RAD51B: variants seen among roughly 807,000 people sequenced by gnomAD.
RAD51B encodes DNA repair protein RAD51 homolog 2.
RAD51B carries 38 observed loss-of-function variants against 42.2 expected under a neutral mutation model. The observed-to-expected ratio is 0.90, with a 90% CI of 0.70 to 1.18. The LOEUF is 1.18. Ranked by LOEUF, RAD51B falls within the 50% of genes most tolerant of loss-of-function variation. RAD51B has a pLI of 0.00. For synonymous variants in RAD51B, 154 were observed against 145.2 expected, an observed-to-expected ratio of 1.06 and a Z score of -0.43; for missense variants, 373 against 400.7, an observed-to-expected ratio of 0.93 and a Z score of 0.59.
At chr14:68,674,735 G>A (rs1456230137) in intron 11 of RAD51B, among the ~76,000 whole-genome samples, 1 of 152,108 alleles carries the variant, frequency 6.6e-6, no homozygotes, top group Non-Finnish European at 1.5e-5. Flanking sequence ...ATTACACAGG[G>A]GTATGTGTGT....
At chr14:67,948,070 C>T (rs2045456228) in intron 7 of RAD51B, among the ~76,000 whole-genome samples, 4 of 152,112 alleles carry the variant, frequency 2.6e-5, no homozygotes, top group Admixed American at 2.0e-4. Flanking sequence ...AAAAATCTGT[C>T]TTGTGGAGTT....
chr14:68,273,199 A>C (rs1016187469), intron 7 of RAD51B, among the ~76,000 whole-genome samples: 1 of 152,090 alleles, frequency 6.6e-6, no homozygotes, highest in Non-Finnish European at 1.5e-5. Flanking sequence ...GATTTTGCTT[A>C]AGGCAGTGTG....
At chr14:68,417,473 T>G (rs943541712) in intron 9 of RAD51B, among the ~76,000 whole-genome samples, 3 of 152,238 alleles carry the variant, frequency 2.0e-5, no homozygotes, top group Admixed American at 2.0e-4. Context: ...CCCACACTCT[T>G]GCAACAGAAG....
At chr14:68,577,024 C>T (rs189523732) in intron 10 of RAD51B, among the ~76,000 whole-genome samples, 1 of 152,334 alleles carries the variant, frequency 6.6e-6, no homozygotes, top group East Asian at 1.9e-4. Context: ...CAGGGTCTGT[C>T]AGAACACAAG....
chr14:68,600,370 C>T (rs1243145652), downstream of RAD51B, among the ~76,000 whole-genome samples: 1 of 152,204 alleles, frequency 6.6e-6, no homozygotes, highest in Non-Finnish European at 1.5e-5. Flanking sequence ...ATGCTGGTGG[C>T]CCCTTGAGTT....
intron 9 of RAD51B, among the ~76,000 whole-genome samples, chr14:68,419,694 A>T (rs1177755999): frequency 1.3e-5 from 2 of 152,176 alleles, no homozygotes; most frequent in African/African-American, 4.8e-5. Flanking sequence ...CCCCATCTTC[A>T]TAGGCTAAAG....
chr14:68,670,248 T>C (rs1893128703), intron 11 of RAD51B, among the ~76,000 whole-genome samples: 1 of 152,126 alleles, frequency 6.6e-6, no homozygotes, highest in South Asian at 2.1e-4. Context: ...GAGCTGGGGC[T>C]CTTCCAAAAG....
intron 10 of RAD51B, among the ~76,000 whole-genome samples, chr14:68,605,978 A>G (rs1256139730): frequency 6.6e-6 from 1 of 152,166 alleles, no homozygotes; most frequent in South Asian, 2.1e-4. Context: ...CACTCTCAGG[A>G]TCCCTGAACT....
chr14:68,541,666 C>T, intron 10 of RAD51B: 4 of 985,398 alleles, frequency 4.1e-6, no homozygotes, highest in Non-Finnish European at 4.8e-6. Context: ...TCCTTTGGGG[C>T]CTTGTTTGGG....
At chr14:67,933,511 T>C (rs1473836090) in intron 7 of RAD51B, among the ~76,000 whole-genome samples, 4 of 152,086 alleles carry the variant, frequency 2.6e-5, no homozygotes, top group Non-Finnish European at 5.9e-5. Flanking sequence ...CCCTTGCTAG[T>C]ATCAGGGTTT....
intron 7 of RAD51B, among the ~76,000 whole-genome samples, chr14:68,214,494 C>T (rs886110634): frequency 1.3e-5 from 2 of 152,130 alleles, no homozygotes; most frequent in African/African-American, 2.4e-5. Flanking sequence ...ATTACTTCTA[C>T]GGCCCCCACT....
At chr14:68,358,477 A>G (rs892135983) in intron 8 of RAD51B, among the ~76,000 whole-genome samples, 1 of 152,220 alleles carries the variant, frequency 6.6e-6, no homozygotes, top group Non-Finnish European at 1.5e-5. Context: ...TTGCATGACC[A>G]TCAGCAGTGT....
At chr14:68,087,986 A>G (rs1196116363) in intron 7 of RAD51B, among the ~76,000 whole-genome samples, 4 of 128,602 alleles carry the variant, frequency 3.1e-5, no homozygotes, top group Non-Finnish European at 6.3e-5. Flanking sequence ...ATAATTATAT[A>G]ATATATTATT....
chr14:67,986,181 C>G (rs949563605), intron 7 of RAD51B, among the ~76,000 whole-genome samples: 4 of 152,156 alleles, frequency 2.6e-5, no homozygotes, highest in African/African-American at 9.7e-5. Context: ...AATTTTTATT[C>G]CCCACACTTC....
chr14:68,014,315 C>T (rs1364036791), intron 7 of RAD51B, among the ~76,000 whole-genome samples: 1 of 151,182 alleles, frequency 6.6e-6, no homozygotes, highest in Non-Finnish European at 1.5e-5. Flanking sequence ...GGAGATTTAT[C>T]AGTCTCTGAG....
chr14:68,668,473 C>T lies in RAD51B; in HGVS notation c.*11+17617C>T, dbSNP rs146906196. Among the ~76,000 whole-genome samples the T allele has an allele frequency of 9.8e-5, 15 of 152,340 alleles. No individual in the cohort carries two copies. The East Asian group carries it at 1.4e-3, about 14-fold the overall frequency. Reference sequence around the variant, plus strand: ...GCCATATGACTAGATCCTGGCCAAACGGATGTGGACAGAGTCATGTCAGCC... The same window carrying T: ...GCCATATGACTAGATCCTGGCCAAATGGATGTGGACAGAGTCATGTCAGCC... On this transcript the variant is annotated intron_variant, in intron 11 of 11. Transcript: ENST00000488612.
intron 4 of RAD51B, chr14:67,843,403 T>G (rs996479282): frequency 2.0e-5 from 3 of 151,990 alleles, no homozygotes; most frequent in Non-Finnish European, 4.4e-5. Context: ...CTTCCTCAGT[T>G]TTTTGGAACA....
chr14:68,260,318 T>TGTGGGGG (rs1049368684), intron 7 of RAD51B, among the ~76,000 whole-genome samples: 1 of 128,042 alleles, frequency 7.8e-6, no homozygotes. Flanking sequence ...TGTGTGTGTG[T>TGTGGGGG]GGAGAGGGGA....
intron 7 of RAD51B, among the ~76,000 whole-genome samples, chr14:68,069,015 C>T (rs982448239): frequency 6.6e-6 from 1 of 152,160 alleles, no homozygotes; most frequent in African/African-American, 2.4e-5. Context: ...TTTTAGGAAA[C>T]AGCAGATTTT....
Sources: allele counts gnomAD v4.1 joint callset (sites outside exome capture counted in the v4.1 genomes callset), GRCh38; gene constraint gnomAD v4.1.1; transcripts MANE v1.5; gene names NCBI Gene and HGNC (gene_info 2026-07-23, HGNC 2026-07-21).